Variants in TFB1M observed in about 807,000 individuals in gnomAD.
TFB1M encodes transcription factor B1, mitochondrial, also known as dimethyladenosine transferase 1, mitochondrial.
TFB1M carries 27 observed loss-of-function variants against 31.1 expected under a neutral mutation model. The observed-to-expected ratio is 0.87, with a 90% CI of 0.64 to 1.20. TFB1M has a LOEUF of 1.20. TFB1M is among the 50% of genes most tolerant of loss of function. TFB1M has a pLI of 0.00. For missense variants in TFB1M, 394 were observed against 418.7 expected, an observed-to-expected ratio of 0.94 and a Z score of 0.51; for synonymous variants, 166 against 151.8, an observed-to-expected ratio of 1.09 and a Z score of -0.69.
chr6:155,241,038 AG>A, the TFB1M span, among the ~76,000 whole-genome samples: 1 of 152,210 alleles, frequency 6.6e-6, no homozygotes, highest in African/African-American at 2.4e-5. Flanking sequence ...AGATCACTTT[AG>A]GTGATGAGGA....
At chr6:155,243,125 C>T in the TFB1M span, among the ~76,000 whole-genome samples, 1 of 152,176 alleles carries the variant, frequency 6.6e-6, no homozygotes, top group Non-Finnish European at 1.5e-5. Context: ...CCTGCTGGAA[C>T]CTCGTTTGCA....
At chr6:155,296,873 CTG>C in intron 4 of TFB1M, 78 bp downstream of exon 4, 1 of 1,315,666 alleles carries the variant, frequency 7.6e-7, no homozygotes. Flanking sequence ...AAAACACAGA[CTG>C]TGGTAAAAAT....
At chr6:155,277,565 T>G (rs1433101933) in intron 5 of TFB1M, among the ~76,000 whole-genome samples, 1 of 152,248 alleles carries the variant, frequency 6.6e-6, no homozygotes, top group Non-Finnish European at 1.5e-5. Context: ...TAAATAACTT[T>G]CATTTGTGCA....
chr6:155,245,455 G>C, the TFB1M span, among the ~76,000 whole-genome samples: 1 of 152,228 alleles, frequency 6.6e-6, no homozygotes, highest in African/African-American at 2.4e-5. Context: ...ACCTGCCAGG[G>C]GAGCGCCTGG....
chr6:155,261,479 T>C (rs891562644), intron 5 of TFB1M, among the ~76,000 whole-genome samples: 1 of 152,184 alleles, frequency 6.6e-6, no homozygotes, highest in Non-Finnish European at 1.5e-5. Flanking sequence ...CTTAAACAGA[T>C]GAAAATGGGA....
the TFB1M span, chr6:155,240,846 G>C: frequency 2.3e-6 from 2 of 879,832 alleles, no homozygotes; most frequent in Admixed American, 2.8e-5. Context: ...TTGAATCAGT[G>C]AATTGCTCAA....
chr6:155,258,446 T>G (rs898205016), intron 6 of TFB1M, among the ~76,000 whole-genome samples: 1 of 152,262 alleles, frequency 6.6e-6, no homozygotes, highest in African/African-American at 2.4e-5. Context: ...TATTATTTCT[T>G]GTGTGACAAA....
At chr6:155,295,244 T>C (rs1310769777) in intron 4 of TFB1M, among the ~76,000 whole-genome samples, 3 of 151,986 alleles carry the variant, frequency 2.0e-5, no homozygotes, top group Admixed American at 6.6e-5. Flanking sequence ...CGGGCGCCTG[T>C]AGTCCCAGCT....
intron 5 of TFB1M, among the ~76,000 whole-genome samples, chr6:155,273,099 C>T (rs1326481966): frequency 1.3e-5 from 2 of 152,202 alleles, no homozygotes; most frequent in African/African-American, 2.4e-5. Context: ...AGCAAGCTGG[C>T]TGGAGTCCGA....
chr6:155,288,091 T>C (rs1011378492), intron 4 of TFB1M, among the ~76,000 whole-genome samples: 3 of 152,174 alleles, frequency 2.0e-5, no homozygotes, highest in African/African-American at 4.8e-5. Flanking sequence ...ATGAAAACCA[T>C]ATAATTTACC....
the TFB1M span, among the ~76,000 whole-genome samples, chr6:155,235,152 G>A: frequency 6.6e-6 from 1 of 152,258 alleles, no homozygotes; most frequent in Non-Finnish European, 1.5e-5. Context: ...GAGAGTCATG[G>A]TAAAGCTGCA....
chr6:155,253,124 A>G, downstream of TFB1M: 2 of 1,314,164 alleles, frequency 1.5e-6, no homozygotes, highest in Non-Finnish European at 1.1e-6. Flanking sequence ...GTAAATTAAG[A>G]AAGGACCTTG....
At chr6:155,235,893 T>C in the TFB1M span, among the ~76,000 whole-genome samples, 1 of 152,226 alleles carries the variant, frequency 6.6e-6, no homozygotes, top group Non-Finnish European at 1.5e-5. Context: ...TTAGGTGTGA[T>C]TTTTGACATC....
intron 2 of TFB1M, among the ~76,000 whole-genome samples, chr6:155,307,137 AC>A (rs1777808160): frequency 1.6e-4 from 2 of 12,856 alleles, no homozygotes; most frequent in Non-Finnish European, 2.4e-4. Flanking sequence ...TCAAACACAT[AC>A]ACACACACAC....
At chr6:155,297,303 T>A (rs570955916) in intron 3 of TFB1M, among the ~76,000 whole-genome samples, 199 bp from the exon 4 acceptor site, 1 of 152,232 alleles carries the variant, frequency 6.6e-6, no homozygotes, top group Non-Finnish European at 1.5e-5. Context: ...GAGGAAAAAA[T>A]TATACTTAAT....
chr6:155,257,871 TTTC>T lies in TFB1M; in HGVS notation c.1003_1005del (p.Glu335del), dbSNP rs763070537. ...TAATTCTCTGCGTCATCCTCTTCTTTTTCTTCATTTTTGCTTTTTCTTCGCTTG... is the reference window on the plus strand; with the variant it reads ...TAATTCTCTGCGTCATCCTCTTCTTTTTCATTTTTGCTTTTTCTTCGCTTG... On this transcript the variant is annotated inframe_deletion, in exon 7 of 7. Transcript: ENST00000367166. 3 of 1,614,172 alleles carry T rather than the reference TTTC, an allele frequency of 1.9e-6. No individual in the cohort carries two copies. The highest frequency in any genetic ancestry group is 2.5e-6 in the Non-Finnish European group (3 of 1,180,002).
chr6:155,242,567 T>C, the TFB1M span, among the ~76,000 whole-genome samples: 1 of 152,198 alleles, frequency 6.6e-6, no homozygotes, highest in Admixed American at 6.5e-5. Context: ...TGGGGATGCT[T>C]TGGGCTTTAT....
At chr6:155,279,665 C>T (rs555848679) in intron 5 of TFB1M, among the ~76,000 whole-genome samples, 3 of 152,306 alleles carry the variant, frequency 2.0e-5, no homozygotes, top group Admixed American at 1.3e-4. Context: ...GCCTATAATT[C>T]TGCAGAACAC....
At chr6:155,305,483 A>C (rs1272596959) in intron 2 of TFB1M, among the ~76,000 whole-genome samples, 1 of 34,856 alleles carries the variant, frequency 2.9e-5, no homozygotes, top group Non-Finnish European at 4.5e-5. Flanking sequence ...ATATTAAATT[A>C]TATATATAAA....
Sources: gnomAD v4.1 joint callset for allele counts (sites outside exome capture counted in the v4.1 genomes callset) on GRCh38, gnomAD v4.1.1 for gene constraint, MANE v1.5 for transcripts, NCBI Gene and HGNC (gene_info 2026-07-23, HGNC 2026-07-21) for gene names.